Variants in GRK5 observed in about 807,000 individuals in gnomAD.
The protein encoded by GRK5 is g protein-coupled receptor kinase GRK5.
GRK5 carries 40 observed loss-of-function variants against 78.4 expected under a neutral mutation model. That is an observed-to-expected ratio of 0.51 (90% CI 0.40 to 0.66). The LOEUF (loss-of-function observed/expected upper bound fraction) is 0.66, where lower values mean the gene tolerates loss of function less well. Ranked by LOEUF, GRK5 falls within the 30% of genes least tolerant of loss-of-function variation. The probability of loss-of-function intolerance (pLI) is 0.00; values close to 1 mark genes in which losing one functional copy is unlikely to be tolerated. For missense variants in GRK5, 598 were observed against 759.9 expected (o/e 0.79, Z 2.50); for synonymous variants, 289 against 296.8 (o/e 0.97, Z 0.27).
intron 3 of GRK5, among the ~76,000 whole-genome samples, chr10:119,386,790 T>C (rs1851805469): frequency 6.6e-6 from 1 of 152,118 alleles, no homozygotes; most frequent in Admixed American, 6.6e-5. Flanking sequence ...CTAAAATCCG[T>C]TTTTTCTTCC....
intron 8 of GRK5, 128 bp from the exon 9 acceptor site, chr10:119,436,523 T>A (rs2275039): frequency 6.3e-5 from 56 of 889,126 alleles, no homozygotes; most frequent in Non-Finnish European, 9.0e-5. Flanking sequence ...AGAGGCCATC[T>A]GGGTGCAGGG....
chr10:119,434,425 T>A (rs1852881105), intron 8 of GRK5, among the ~76,000 whole-genome samples: 1 of 152,224 alleles, frequency 6.6e-6, no homozygotes, highest in Non-Finnish European at 1.5e-5. Context: ...AGATACAATG[T>A]GGGTACAGGC....
intron 2 of GRK5, among the ~76,000 whole-genome samples, chr10:119,335,744 G>A (rs1034160858): frequency 2.0e-5 from 3 of 152,240 alleles, no homozygotes; most frequent in Admixed American, 6.5e-5. Flanking sequence ...TGCAGTCACC[G>A]GACTTGTGTC....
chr10:119,401,145 T>C (rs1852144191), intron 4 of GRK5, among the ~76,000 whole-genome samples: 1 of 152,194 alleles, frequency 6.6e-6, no homozygotes, highest in Non-Finnish European at 1.5e-5. Context: ...TCCTGTCTCA[T>C]GTCTCTGGGG....
At chr10:119,443,419 G>T in intron 11 of GRK5, 125 bp from the exon 12 acceptor site, 4 of 777,824 alleles carry the variant, frequency 5.1e-6, no homozygotes, top group Non-Finnish European at 8.2e-6. Flanking sequence ...CCCTGGAGGG[G>T]GTGGTATTCA....
At chr10:119,410,085 G>A (rs1852310098) in intron 4 of GRK5, among the ~76,000 whole-genome samples, 1 of 152,278 alleles carries the variant, frequency 6.6e-6, no homozygotes, top group Admixed American at 6.5e-5. Flanking sequence ...GTCATCTCCT[G>A]TTGCACACTT....
intron 1 of GRK5, among the ~76,000 whole-genome samples, chr10:119,294,312 C>G (rs1483597749): frequency 6.6e-6 from 1 of 152,224 alleles, no homozygotes; most frequent in Non-Finnish European, 1.5e-5. Flanking sequence ...AGCAGGTGCT[C>G]TTGCGGGTGA....
chr10:119,417,452 C>T lies in GRK5; in HGVS notation c.340-5714C>T, dbSNP rs148415379. Among the ~76,000 whole-genome samples the T allele has an allele frequency of 2.1e-3, 326 of 152,286 alleles. 1 individual carries two copies. The highest frequency in any genetic ancestry group is 7.5e-3 in the African/African-American group (312 of 41,558). On this transcript the variant is annotated intron_variant, in intron 4 of 15. Transcript: ENST00000392870. ...TTGCTGTACCAAGGGGTGCTGGGGGCAAGGGATTAGCCAGCAAGTCACCCC... is the reference window on the plus strand; with the variant it reads ...TTGCTGTACCAAGGGGTGCTGGGGGTAAGGGATTAGCCAGCAAGTCACCCC...
In GRK5 at chr10:119,412,331, G is replaced by A. The variant is rs905497794; in HGVS notation, c.340-10835G>A. On this transcript the variant is annotated intron_variant, in intron 4 of 15. Transcript: ENST00000392870. The surrounding 1 kb of genome is among the most constrained non-coding windows in gnomAD (Gnocchi z 4.3). Reference sequence around the variant, plus strand: ...CAGGGCTGTGCCTGGCACGGTGCCCGGGCCGTGCAGTCCATCGCCTGGGCT... The same window carrying A: ...CAGGGCTGTGCCTGGCACGGTGCCCAGGCCGTGCAGTCCATCGCCTGGGCT... 6.6e-6 allele frequency among the ~76,000 whole-genome samples: 1 copy of A among 152,180 alleles called. No homozygotes were observed. Among genetic ancestry groups the A allele is most frequent in the Non-Finnish European group, 1.5e-5 (1 of 68,032 alleles).
intron 2 of GRK5, among the ~76,000 whole-genome samples, chr10:119,331,426 C>T (rs1004657657): frequency 3.9e-5 from 6 of 152,244 alleles, no homozygotes; most frequent in African/African-American, 1.2e-4. Flanking sequence ...TGCCCAGTCT[C>T]TGCTGGGGTC....
In GRK5 at chr10:119,271,032, C is replaced by T. The variant is rs148210303; in HGVS notation, c.53-55484C>T. ...AAATGTCATGAGTGTTATTATTAGT[C>T]GTAATCTTATCTTTGTTAATAATAA... On this transcript the variant is annotated intron_variant, in intron 1 of 15. Transcript: ENST00000392870. The surrounding 1 kb of genome is among the most constrained non-coding windows in gnomAD (Gnocchi z 4.1). Among the ~76,000 whole-genome samples, 82 of 152,254 alleles carry T rather than the reference C, an allele frequency of 5.4e-4. 2 individuals are homozygous for T. Among genetic ancestry groups the T allele is most frequent in the African/African-American group, 1.8e-3 (76 of 41,542 alleles).
intron 2 of GRK5, chr10:119,330,310 T>G (rs938242078): frequency 2.7e-5 from 4 of 148,652 alleles, no homozygotes; most frequent in Admixed American, 2.0e-4. Flanking sequence ...GATGTCCTCA[T>G]CAGTTTTTCC....
chr10:119,248,211 C>T (rs889330571), intron 1 of GRK5, among the ~76,000 whole-genome samples: 5 of 152,046 alleles, frequency 3.3e-5, no homozygotes, highest in African/African-American at 1.2e-4. Context: ...AAGGGTCTTG[C>T]CATGTTGCCC....
intron 1 of GRK5, among the ~76,000 whole-genome samples, chr10:119,231,560 AGCTGG>A (rs1417876264): frequency 2.0e-5 from 3 of 151,784 alleles, no homozygotes; most frequent in African/African-American, 7.3e-5. Flanking sequence ...AAAAAAAATT[AGCTGG>A]GCGTGGTGGT....
intron 1 of GRK5, among the ~76,000 whole-genome samples, chr10:119,322,052 C>A (rs1009484369): frequency 1.3e-5 from 2 of 152,346 alleles, no homozygotes; most frequent in Non-Finnish European, 2.9e-5. Flanking sequence ...ATGATCATAG[C>A]TCACTGCAGC....
chr10:119,340,110 T>C (rs1410018439), intron 2 of GRK5, among the ~76,000 whole-genome samples: 1 of 149,704 alleles, frequency 6.7e-6, no homozygotes, highest in East Asian at 1.9e-4. Flanking sequence ...TGTGGTTTTT[T>C]TGTTTGTTTG....
intron 1 of GRK5, among the ~76,000 whole-genome samples, chr10:119,285,796 G>A (rs974641725): frequency 5.3e-5 from 8 of 152,140 alleles, no homozygotes; most frequent in Admixed American, 1.3e-4. Flanking sequence ...GCAGGGAGCC[G>A]CTGAGTGCTG....
At chr10:119,385,641 G>C (rs1589777920) in intron 3 of GRK5, among the ~76,000 whole-genome samples, 1 of 152,176 alleles carries the variant, frequency 6.6e-6, no homozygotes, top group Non-Finnish European at 1.5e-5. Context: ...GATGGATTGG[G>C]GATGAGAGAA....
intron 3 of GRK5, among the ~76,000 whole-genome samples, chr10:119,382,613 T>G (rs547321113): frequency 6.6e-6 from 1 of 152,350 alleles, no homozygotes; most frequent in South Asian, 2.1e-4. Flanking sequence ...TGTGAACTTT[T>G]CATTATGTAT....
Sources: gnomAD v4.1 joint callset for allele counts (sites outside exome capture counted in the v4.1 genomes callset) on GRCh38, gnomAD v4.1.1 for gene constraint, Gnocchi (gnomAD v3.1) non-coding constraint, MANE v1.5 for transcripts, NCBI Gene and HGNC (gene_info 2026-07-23, HGNC 2026-07-21) for gene names.